IL6ST: variants seen among roughly 807,000 people sequenced by gnomAD.
IL6ST encodes interleukin 6 cytokine family signal transducer, also known as interleukin-6 receptor subunit beta.
IL6ST carries 24 observed loss-of-function variants against 91.3 expected under a neutral mutation model. That is an observed-to-expected ratio of 0.26 (90% CI 0.19 to 0.37). The LOEUF is 0.37. IL6ST is among the 10% of genes least tolerant of loss of function. The pLI is 1.00. For missense variants in IL6ST, 914 were observed against 1,078.5 expected, an observed-to-expected ratio of 0.85 and a Z score of 2.14; for synonymous variants, 351 against 373.6, an observed-to-expected ratio of 0.94 and a Z score of 0.70.
chr5:55,956,184 G>C lies in IL6ST; in HGVS notation c.1108C>G (p.Leu370Val), dbSNP rs1440547858. The change falls in exon 10 of 17, where the codon CTC (leucine) becomes GTC (valine). Residue 370 changes from leucine (L) to valine (V), a missense_variant. Coordinates refer to ENST00000381298, the MANE Select transcript of IL6ST (RefSeq NM_002184.4). ...TGTAAATGTGATTTCCATCTTGTGA[G>C]AGTCACTTCATAATCCAAGATTTTT... ...NGKILDYEVTLTRWKSHLQNY... is the reference protein window; with the variant it reads ...NGKILDYEVTVTRWKSHLQNY... 2.5e-6 allele frequency: 4 copies of C among 1,612,298 alleles called. No homozygotes were observed. In the African/African-American group the frequency reaches 5.3e-5, roughly 22 times the overall value.
chr5:55,955,632 G>C (rs544054176), intron 10 of IL6ST, among the ~76,000 whole-genome samples: 10 of 152,288 alleles, frequency 6.6e-5, no homozygotes, highest in African/African-American at 2.4e-4. Context: ...ATGCTTAAAT[G>C]AATGAAGTAG....
At chr5:55,955,275 C>T (rs1032056185) in intron 10 of IL6ST, among the ~76,000 whole-genome samples, 7 of 152,080 alleles carry the variant, frequency 4.6e-5, no homozygotes, top group East Asian at 3.9e-4. Context: ...CTGGCCAACA[C>T]GGTGAAACCC....
chr5:55,954,701 T>C, intron 11 of IL6ST, 109 bp downstream of exon 11: 1 of 712,328 alleles, frequency 1.4e-6, no homozygotes. Context: ...AGTGAGGCTA[T>C]GATAAATTGG....
At chr5:55,971,742 G>A (rs1373396383) in intron 3 of IL6ST, among the ~76,000 whole-genome samples, 3 of 152,148 alleles carry the variant, frequency 2.0e-5, no homozygotes, top group Non-Finnish European at 2.9e-5. Context: ...GCTGAGGCAG[G>A]AGGATTGCTT....
At position 55,954,141 on chromosome 5, in the gene IL6ST, A is replaced by T. The variant is rs367814160; in HGVS notation, c.1450+669T>A. On this transcript the variant is annotated intron_variant, in intron 11 of 16. Transcript: ENST00000381298. ...CATGTAAGTCCAAACAGCCTGTATT[A>T]TGACTAAAGCTCAAAAACTTTATGG... 3.9e-4 allele frequency among the ~76,000 whole-genome samples: 60 copies of T among 152,368 alleles called. No homozygotes were observed. The South Asian group carries it at 0.012, about 31-fold the overall frequency.
At chr5:55,978,929 C>A (rs768337061) in intron 2 of IL6ST, among the ~76,000 whole-genome samples, 1 of 152,080 alleles carries the variant, frequency 6.6e-6, no homozygotes, top group African/African-American at 2.4e-5. Context: ...AAGACATCTA[C>A]AAGAATGTTT....
At chr5:55,980,458 G>C (rs1753590125) in intron 2 of IL6ST, among the ~76,000 whole-genome samples, 1 of 152,178 alleles carries the variant, frequency 6.6e-6, no homozygotes, top group Non-Finnish European at 1.5e-5. Context: ...GCTGAGGCAG[G>C]AGAATCACTT....
intron 2 of IL6ST, 170 bp from the exon 3 acceptor site, chr5:55,976,463 A>G (rs1259064388): frequency 4.8e-6 from 2 of 419,210 alleles, no homozygotes; most frequent in Non-Finnish European, 8.6e-6. Flanking sequence ...TTCCCACTGA[A>G]GTTATGGCTA....
rs70995749 is a variant in IL6ST at position 55,945,648 on chromosome 5, C to CTTTTTTTTTTTT, written c.1937+1833_1937+1844dup. 7.2e-5 allele frequency among the ~76,000 whole-genome samples: 3 copies of CTTTTTTTTTTTT among 41,684 alleles called. 1 individual carries two copies. The highest frequency in any genetic ancestry group is 3.0e-4 in the African/African-American group (3 of 10,010). 27.3% of individuals were successfully genotyped at this position (41,684 alleles called of 152,430 possible). ...ACTTCATCAAAATAAAAAACTTATG[C>CTTTTTTTTTTTT]TTTTTTTTTTTTTTTTTTTTTTTTT... On this transcript the variant is annotated intron_variant, in intron 15 of 16. Coordinates refer to ENST00000381298, the MANE Select transcript of IL6ST (RefSeq NM_002184.4).
rs1336208765 is a variant in IL6ST, at chr5:55,969,738, T to C, written c.182A>G (p.Asn61Ser). Residue 61 changes from asparagine (N) to serine (S), a missense_variant, in exon 4 of 17, where the codon AAT (asparagine) becomes AGT (serine). Coordinates refer to ENST00000381298, the MANE Select transcript of IL6ST (RefSeq NM_002184.4). ...KEKCMDYFHV[N>S]ANYIVWKTNH... Reference sequence around the variant, plus strand: ...TGTTTTCCAGACAATGTAATTAGCATTTACATGAAAATAATCCATACATTT... The same window carrying C: ...TGTTTTCCAGACAATGTAATTAGCACTTACATGAAAATAATCCATACATTT... 1.9e-6 allele frequency: 3 copies of C among 1,608,802 alleles called. No individual in the cohort carries two copies. In the African/African-American group the frequency reaches 4.0e-5, roughly 22 times the overall value.
intron 14 of IL6ST, among the ~76,000 whole-genome samples, chr5:55,949,259 G>A (rs577319567): frequency 2.4e-4 from 36 of 152,142 alleles, no homozygotes; most frequent in African/African-American, 8.4e-4. Flanking sequence ...GAGGACTGAG[G>A]CCAGGAGTTC....
chr5:55,981,656 A>T (rs906185381), intron 2 of IL6ST, among the ~76,000 whole-genome samples: 1 of 152,118 alleles, frequency 6.6e-6, no homozygotes, highest in East Asian at 1.9e-4. Flanking sequence ...AAAATAAAAA[A>T]AAAAATTGAC....
In IL6ST at chr5:55,966,638, C is replaced by T. The variant is rs996815869; in HGVS notation, c.491+1638G>A. Among the ~76,000 whole-genome samples, 3 of 151,982 alleles carry T rather than the reference C, an allele frequency of 2.0e-5. No homozygotes were observed. The East Asian group carries it at 5.8e-4, about 29-fold the overall frequency. On this transcript the variant is annotated intron_variant, in intron 5 of 16. Coordinates refer to ENST00000381298, the MANE Select transcript of IL6ST (RefSeq NM_002184.4). ...TAAGGGTGAGGTATATTAATGACTGCAACTCACTATGAAATACATAAAAAA... is the reference window on the plus strand; with the variant it reads ...TAAGGGTGAGGTATATTAATGACTGTAACTCACTATGAAATACATAAAAAA...
At position 55,940,212 on chromosome 5, in the gene IL6ST, TTTTTCCCCTTTACTACTACTTCCTG is replaced by T. The variant is rs1750809655; in HGVS notation, c.*845_*869del. The T allele has an allele frequency of 4.8e-6, 1 of 210,066 alleles. No individual in the cohort carries two copies. Among genetic ancestry groups the T allele is most frequent in the Admixed American group, 5.9e-5 (1 of 16,970 alleles). The allele number at this position is 210,066 out of a possible 1,614,324, so 13.0% of individuals were successfully genotyped here. ...AATTTTTTAGATGCTTTATTGGTTT[TTTTTCCCCTTTACTACTACTTCCTG>T]TTTTCCCCTTTACTACTACAATTTA... On this transcript the variant is annotated 3_prime_UTR_variant, in exon 17 of 17. Transcript: ENST00000381298.
chr5:55,988,965 TAAAAA>T (rs1169888123), intron 1 of IL6ST, among the ~76,000 whole-genome samples: 1 of 136,680 alleles, frequency 7.3e-6, no homozygotes, highest in African/African-American at 2.7e-5. Flanking sequence ...AAAAAAAAAA[TAAAAA>T]AAAAAATCAG....
intron 1 of IL6ST, among the ~76,000 whole-genome samples, chr5:55,988,252 T>C (rs1330482617): frequency 6.6e-6 from 1 of 152,156 alleles, no homozygotes; most frequent in Non-Finnish European, 1.5e-5. Context: ...TCATCAGTTA[T>C]TCACCACTGC....
chr5:55,939,781 A>T lies in IL6ST; in HGVS notation c.*1301T>A, dbSNP rs888899299. On this transcript the variant is annotated 3_prime_UTR_variant, in exon 17 of 17. Coordinates refer to ENST00000381298, the MANE Select transcript of IL6ST (RefSeq NM_002184.4). ...CGAGGCCTGGGTCACTTCTCCCTTG[A>T]AGAAAAAAGGTTTTAAAAATTCCTA... is the stretch of plus-strand genomic sequence containing the variant. 2.4e-5 allele frequency: 5 copies of T among 205,876 alleles called. No individual in the cohort carries two copies. The highest frequency in any genetic ancestry group is 1.1e-4 in the African/African-American group (5 of 43,876). 12.8% of individuals were successfully genotyped at this position (205,876 alleles called of 1,614,324 possible). A position where few individuals can be genotyped will look rare whatever the true frequency, so the allele number is the denominator to read the frequency against.
rs758193162 is a variant in IL6ST, at chr5:55,976,196, G to C, written c.64+19C>G. The C allele has an allele frequency of 1.3e-5, 18 of 1,400,838 alleles. No individual in the cohort carries two copies. Among genetic ancestry groups the C allele is most frequent in the Non-Finnish European group, 1.8e-5 (18 of 1,020,324 alleles). The allele number at this position is 1,400,838 out of a possible 1,614,324, so 86.8% of individuals were successfully genotyped here. On this transcript the variant is annotated intron_variant, in intron 3 of 16. Coordinates refer to ENST00000381298, the MANE Select transcript of IL6ST (RefSeq NM_002184.4). ...CCTAATTTGTGAAGTTAGAAGATAG[G>C]GTATTTCATGAACCTTACCTGTAGA...
At chr5:55,964,023 AACT>A (rs1305515784) in intron 6 of IL6ST, 120 bp downstream of exon 6, 11 of 447,502 alleles carry the variant, frequency 2.5e-5, no homozygotes, top group African/African-American at 1.4e-4. Flanking sequence ...AAAATCTAAA[AACT>A]ACATTAATTA....
Sources: gnomAD v4.1 joint callset for allele counts (sites outside exome capture counted in the v4.1 genomes callset) on GRCh38, gnomAD v4.1.1 for gene constraint, MANE v1.5 for transcripts, NCBI Gene and HGNC (gene_info 2026-07-23, HGNC 2026-07-21) for gene names.